The following TRAPPC9 variants were observed in gnomAD, a reference collection of about 807,000 sequenced individuals.
TRAPPC9 encodes the protein trafficking protein particle complex subunit 9.
A neutral mutation model predicts 124.0 loss-of-function variants in TRAPPC9; 83 were observed. The observed-to-expected ratio is 0.67, with a 90% CI of 0.56 to 0.80. The LOEUF (loss-of-function observed/expected upper bound fraction) is 0.80, where lower values mean the gene tolerates loss of function less well. Among genes scored for constraint, TRAPPC9 ranks in the 30% least tolerant of loss-of-function variants. TRAPPC9 has a pLI of 0.00. For synonymous variants in TRAPPC9, 638 were observed against 617.5 expected (o/e 1.03, Z -0.49); for missense variants, 1,302 against 1,508.3 (o/e 0.86, Z 2.27).
At chr8:139,905,332 C>T (rs7825905) in intron 20 of TRAPPC9, among the ~76,000 whole-genome samples, 99,245 of 152,036 alleles carry the variant, frequency 0.65, 34,453 homozygotes, top group African/African-American at 0.91. Flanking sequence ...GCTTAAGAGA[C>T]TTGTGAGCAT....
chr8:140,397,274 C>T (rs1214185725), intron 7 of TRAPPC9, among the ~76,000 whole-genome samples: 1 of 152,168 alleles, frequency 6.6e-6, no homozygotes, highest in Non-Finnish European at 1.5e-5. Flanking sequence ...ATAAACCCAA[C>T]ACCCCAAACA....
intron 21 of TRAPPC9, among the ~76,000 whole-genome samples, chr8:139,800,079 T>C (rs1823370722): frequency 1.3e-5 from 2 of 152,250 alleles, no homozygotes; most frequent in African/African-American, 4.8e-5. Context: ...CTACGCTTGC[T>C]AGCAGCTGGC....
At chr8:139,997,777 GTGCATCCTACACAGGGAGACAA>G (rs1563676872) in intron 18 of TRAPPC9, among the ~76,000 whole-genome samples, 8 of 80,772 alleles carry the variant, frequency 9.9e-5, no homozygotes, top group African/African-American at 2.7e-4. Context: ...AGGGGAGACA[GTGCATCCTACACAGGGAGACAA>G]TGCATCCTAC....
intron 17 of TRAPPC9, among the ~76,000 whole-genome samples, chr8:140,157,462 C>T (rs2061674311): frequency 6.6e-6 from 1 of 152,192 alleles, no homozygotes; most frequent in Admixed American, 6.5e-5. Flanking sequence ...ACCAATCCAC[C>T]CTCAACGAAT....
At chr8:140,263,582 G>T (rs1346979490) in intron 15 of TRAPPC9, among the ~76,000 whole-genome samples, 1 of 152,176 alleles carries the variant, frequency 6.6e-6, no homozygotes, top group African/African-American at 2.4e-5. Flanking sequence ...GAGGAACTAG[G>T]ATTTACCAAG....
chr8:140,289,639 A>G (rs2065591083), intron 12 of TRAPPC9, among the ~76,000 whole-genome samples: 2 of 151,978 alleles, frequency 1.3e-5, no homozygotes, highest in African/African-American at 4.8e-5. Context: ...TAATAAGCAC[A>G]TATTGTTTTT....
At chr8:140,083,672 G>A (rs954430469) in intron 17 of TRAPPC9, among the ~76,000 whole-genome samples, 1 of 82,566 alleles carries the variant, frequency 1.2e-5, no homozygotes, top group Non-Finnish European at 2.5e-5. Flanking sequence ...TTTTGTTTTT[G>A]TTTTTGTTTT....
chr8:139,980,611 C>A (rs943082946), intron 19 of TRAPPC9, among the ~76,000 whole-genome samples: 1 of 152,242 alleles, frequency 6.6e-6, no homozygotes, highest in East Asian at 1.9e-4. Flanking sequence ...TAACGCTGCT[C>A]TTTAGATCAA....
intron 9 of TRAPPC9, among the ~76,000 whole-genome samples, chr8:140,347,900 G>A (rs899190949): frequency 1.3e-5 from 2 of 152,168 alleles, no homozygotes; most frequent in African/African-American, 4.8e-5. Context: ...CTGGTCAAAG[G>A]CTGTTTTGAA....
chr8:140,370,934 A>C, intron 8 of TRAPPC9, 30 bp downstream of exon 8: 1 of 1,611,602 alleles, frequency 6.2e-7, no homozygotes. Context: ...AGAAAGCAAC[A>C]CCTTAGCGCC....
At chr8:139,889,217 T>G (rs780873201) in intron 20 of TRAPPC9, among the ~76,000 whole-genome samples, 9 of 152,156 alleles carry the variant, frequency 5.9e-5, no homozygotes, top group Non-Finnish European at 1.2e-4. Flanking sequence ...ACACCTATGA[T>G]TCCACCGATC....
chr8:139,763,609 AAC>A (rs10543406), intron 21 of TRAPPC9, among the ~76,000 whole-genome samples: 27,742 of 151,086 alleles, frequency 0.18, 4,335 homozygotes, highest in African/African-American at 0.42. Context: ...CATGCACATA[AAC>A]ACACACACAC....
In TRAPPC9 at chr8:140,252,441, A is replaced by T. The variant is rs940447385; in HGVS notation, c.2431+336T>A. 3.1e-6 allele frequency: 1 copy of T among 326,692 alleles called. No individual in the cohort carries two copies. Among genetic ancestry groups the T allele is most frequent in the East Asian group, 7.4e-5 (1 of 13,566 alleles). The allele number at this position is 326,692 out of a possible 1,614,324, so 20.2% of individuals were successfully genotyped here. ...TCAGACTTTGAAGGAAAACTTTATC[A>T]TCACAGCTAATTAGATGTCTAAAGA... On this transcript the variant is annotated intron_variant, in intron 16 of 22. Coordinates refer to ENST00000438773, the MANE Select transcript of TRAPPC9 (RefSeq NM_001160372.4). This position sits in a 1 kb window ranked among gnomAD's most constrained non-coding sequence, Gnocchi z 4.2.
rs10578148 is a variant in TRAPPC9 at position 140,111,316 on chromosome 8, TCAAGA to T, written c.2557-87242_2557-87238del. Among the ~76,000 whole-genome samples, 471 of 152,168 alleles carry T rather than the reference TCAAGA, an allele frequency of 3.1e-3. 11 individuals carry two copies. The highest frequency in any genetic ancestry group is 0.03 in the Admixed American group (452 of 15,286). On this transcript the variant is annotated intron_variant, in intron 17 of 22. Coordinates refer to ENST00000438773, the MANE Select transcript of TRAPPC9 (RefSeq NM_001160372.4). Reference sequence around the variant, plus strand: ...CAGGCAAACTCAGAGGTCATTACCTTCAAGACACCCATCCAGACTCTTCTCCACCT... The same window carrying T: ...CAGGCAAACTCAGAGGTCATTACCTTCACCCATCCAGACTCTTCTCCACCT...
intron 19 of TRAPPC9, among the ~76,000 whole-genome samples, chr8:139,980,243 T>TA (rs1258372860): frequency 1.3e-5 from 2 of 152,102 alleles, no homozygotes; most frequent in East Asian, 3.9e-4. Flanking sequence ...CTACCAATGT[T>TA]ACACCTCGGA....
At chr8:140,325,513 C>T (rs1488786492) in intron 9 of TRAPPC9, among the ~76,000 whole-genome samples, 3 of 152,160 alleles carry the variant, frequency 2.0e-5, no homozygotes, top group African/African-American at 4.8e-5. Context: ...TATGCCTATA[C>T]ATTTGACAAA....
At chr8:140,457,525 G>A (rs937427049) in intron 1 of TRAPPC9, 114 bp downstream of exon 1, 128 of 871,640 alleles carry the variant, frequency 1.5e-4, no homozygotes, top group Admixed American at 3.1e-4. Context: ...GCCCGGACAG[G>A]TGAGGGCCGG....
chr8:140,360,780 C>G (rs1185052524), intron 8 of TRAPPC9, among the ~76,000 whole-genome samples: 1 of 152,180 alleles, frequency 6.6e-6, no homozygotes, highest in East Asian at 1.9e-4. Context: ...GTCATCCAGG[C>G]TGGAGTGTGG....
chr8:140,226,122 T>C (rs1275384990), intron 16 of TRAPPC9, among the ~76,000 whole-genome samples: 16 of 152,140 alleles, frequency 1.1e-4, no homozygotes, highest in Non-Finnish European at 2.4e-4. Context: ...TCTGGTGGGA[T>C]CAAGGTTGGC....
Sources: allele counts gnomAD v4.1 joint callset (sites outside exome capture counted in the v4.1 genomes callset), GRCh38; gene constraint gnomAD v4.1.1; non-coding constraint Gnocchi (gnomAD v3.1); transcripts MANE v1.5; gene names NCBI Gene and HGNC (gene_info 2026-07-23, HGNC 2026-07-21).